LARP1B: variants seen among roughly 807,000 people sequenced by gnomAD.
LARP1B encodes the protein La ribonucleoprotein 1B.
A neutral mutation model predicts 114.2 loss-of-function variants in LARP1B; 76 were observed. That is an observed-to-expected ratio of 0.67 (90% CI 0.55 to 0.81). The LOEUF is 0.81. Ranked by LOEUF, LARP1B falls within the 30% of genes least tolerant of loss-of-function variation. The pLI is 0.00. For missense variants in LARP1B, 1,014 were observed against 1,075.8 expected (o/e 0.94, Z 0.80); for synonymous variants, 345 against 348.0 (o/e 0.99, Z 0.10).
chr4:128,180,482 T>C (rs2150681799), intron 15 of LARP1B, among the ~76,000 whole-genome samples: 1 of 152,376 alleles, frequency 6.6e-6, no homozygotes, highest in South Asian at 2.1e-4. Context: ...TCTTACTAGC[T>C]ATATTGTCTC....
chr4:128,153,173 G>A (rs913789597), intron 11 of LARP1B, among the ~76,000 whole-genome samples: 1 of 151,386 alleles, frequency 6.6e-6, no homozygotes, highest in African/African-American at 2.4e-5. Flanking sequence ...AGTAGAGACG[G>A]GGTGTCACTA....
chr4:128,208,868 G>A (rs369573990), intron 19 of LARP1B, among the ~76,000 whole-genome samples: 1 of 152,118 alleles, frequency 6.6e-6, no homozygotes, highest in African/African-American at 2.4e-5. Context: ...ACTTGCTAAC[G>A]ATAATTTAAC....
intron 11 of LARP1B, among the ~76,000 whole-genome samples, chr4:128,134,868 G>A (rs1415040378): frequency 1.3e-5 from 2 of 152,134 alleles, no homozygotes; most frequent in African/African-American, 2.4e-5. Flanking sequence ...ACTTTAGGAG[G>A]CTGAGGTGGG....
chr4:128,092,382 G>T (rs1776223620), intron 7 of LARP1B, among the ~76,000 whole-genome samples: 1 of 151,952 alleles, frequency 6.6e-6, no homozygotes, highest in Non-Finnish European at 1.5e-5. Flanking sequence ...TGCTTTCTGG[G>T]TACTGAATGT....
At chr4:128,110,154 G>A (rs1331468827) in intron 9 of LARP1B, among the ~76,000 whole-genome samples, 4 of 152,012 alleles carry the variant, frequency 2.6e-5, no homozygotes, top group South Asian at 2.1e-4. Flanking sequence ...AGCCCACCTC[G>A]GCCTCCTAAA....
At chr4:128,196,267 A>G (rs1309949500) in intron 15 of LARP1B, among the ~76,000 whole-genome samples, 1 of 142,812 alleles carries the variant, frequency 7.0e-6, no homozygotes, top group African/African-American at 2.6e-5. Context: ...AAAAAAAAAA[A>G]GAAAGAAAGA....
At chr4:128,093,915 TG>T (rs1490800142) in intron 7 of LARP1B, among the ~76,000 whole-genome samples, 1 of 151,936 alleles carries the variant, frequency 6.6e-6, no homozygotes, top group Non-Finnish European at 1.5e-5. Flanking sequence ...TTCATCTTGT[TG>T]GTCAGGCTGG....
downstream of LARP1B, among the ~76,000 whole-genome samples, chr4:128,213,194 G>A (rs1314412177): frequency 6.6e-6 from 1 of 151,996 alleles, no homozygotes; most frequent in African/African-American, 2.4e-5. Flanking sequence ...GATTACAGGT[G>A]TGAGCCACTG....
chr4:128,185,250 AT>A (rs1440431608), intron 15 of LARP1B, among the ~76,000 whole-genome samples: 2 of 152,076 alleles, frequency 1.3e-5, no homozygotes, highest in Non-Finnish European at 2.9e-5. Context: ...AGGAACTTCT[AT>A]TCTGTTTTCT....
At chr4:128,176,934 G>C in intron 13 of LARP1B, 27 bp downstream of exon 13, 1 of 1,604,488 alleles carries the variant, frequency 6.2e-7, no homozygotes, top group Non-Finnish European at 8.5e-7. Context: ...GTATTAAAGG[G>C]AGGCTATGAT....
At chr4:128,168,392 G>T (rs1742079056) in intron 12 of LARP1B, among the ~76,000 whole-genome samples, 1 of 151,844 alleles carries the variant, frequency 6.6e-6, no homozygotes, top group Admixed American at 6.6e-5. Flanking sequence ...TAAAGTGCCT[G>T]CTCAAATCTT....
At chr4:128,144,898 T>A (rs1486649799) in intron 11 of LARP1B, among the ~76,000 whole-genome samples, 1 of 152,228 alleles carries the variant, frequency 6.6e-6, no homozygotes. Context: ...TGTCTTAAAA[T>A]CTGACATTTG....
chr4:128,203,644 G>A (rs1037916038), intron 17 of LARP1B, among the ~76,000 whole-genome samples: 1 of 152,132 alleles, frequency 6.6e-6, no homozygotes, highest in Non-Finnish European at 1.5e-5. Flanking sequence ...AAAGTGCTAG[G>A]ATTACAGGTG....
intron 15 of LARP1B, among the ~76,000 whole-genome samples, chr4:128,197,374 A>G (rs1754524479): frequency 6.6e-6 from 1 of 152,206 alleles, no homozygotes; most frequent in Non-Finnish European, 1.5e-5. Flanking sequence ...ATTGGAAAAA[A>G]CAGTTGTTTT....
intron 9 of LARP1B, among the ~76,000 whole-genome samples, chr4:128,110,693 A>AAAAAAAAAG: frequency 7.0e-6 from 1 of 143,010 alleles, no homozygotes; most frequent in African/African-American, 2.6e-5. Context: ...AAAAAAAAAA[A>AAAAAAAAAG]GATGCAGCAG....
chr4:128,128,567 A>T (rs6815163), intron 11 of LARP1B, among the ~76,000 whole-genome samples: 1 of 152,094 alleles, frequency 6.6e-6, no homozygotes, highest in Admixed American at 6.5e-5. Flanking sequence ...ATAATGTATT[A>T]ATTATTATAC....
At chr4:128,153,843 C>G (rs1734103964) in intron 11 of LARP1B, among the ~76,000 whole-genome samples, 1 of 152,060 alleles carries the variant, frequency 6.6e-6, no homozygotes, top group South Asian at 2.1e-4. Context: ...TATTCTGTCT[C>G]TCATTTTAAA....
chr4:128,180,758 C>G (rs1474560870), intron 15 of LARP1B, among the ~76,000 whole-genome samples: 1 of 152,134 alleles, frequency 6.6e-6, no homozygotes, highest in Non-Finnish European at 1.5e-5. Flanking sequence ...TTTTAAATCC[C>G]TTAGATAAAT....
rs76512638 is a variant in LARP1B at position 128,211,198 on chromosome 4, T to C, written c.*1145T>C. ...TAGTTGAAAAGCTGTAATATTCAGT[T>C]TTGCTAGTAAAAGACCATTTTTTTG... On this transcript the variant is annotated 3_prime_UTR_variant, in exon 20 of 20. Coordinates refer to ENST00000326639, the MANE Select transcript of LARP1B (RefSeq NM_018078.4). The C allele has an allele frequency of 1.4e-4, 129 of 935,922 alleles. 1 individual carries two copies. The African/African-American group carries it at 2.0e-3, about 15-fold the overall frequency. The allele number at this position is 935,922 out of a possible 1,614,324, so 58.0% of individuals were successfully genotyped here. A position where few individuals can be genotyped will look rare whatever the true frequency, so the allele number is the denominator to read the frequency against.
Sources: allele counts gnomAD v4.1 joint callset (sites outside exome capture counted in the v4.1 genomes callset), GRCh38; gene constraint gnomAD v4.1.1; transcripts MANE v1.5; gene names NCBI Gene and HGNC (gene_info 2026-07-23, HGNC 2026-07-21).